The following LPP variants were observed in gnomAD, a reference collection of about 807,000 sequenced individuals.
The protein encoded by LPP is lipoma-preferred partner.
In LPP, 38 loss-of-function variants were observed where a neutral mutation model predicts 60.4. The observed-to-expected ratio is 0.63, with a 90% confidence interval of 0.49 to 0.83. The LOEUF is 0.83. LPP is among the 40% of genes least tolerant of loss of function. The pLI is 0.00. For missense variants in LPP, 902 were observed against 783.6 expected, an observed-to-expected ratio of 1.15 and a Z score of -1.80; for synonymous variants, 328 against 290.8, an observed-to-expected ratio of 1.13 and a Z score of -1.30.
intron 1 of LPP, among the ~76,000 whole-genome samples, chr3:188,175,718 T>C (rs1305203618): frequency 6.6e-6 from 1 of 152,226 alleles, no homozygotes; most frequent in Non-Finnish European, 1.5e-5. Flanking sequence ...AGAAAGGTCC[T>C]ATTTTTCAGA....
intron 6 of LPP, among the ~76,000 whole-genome samples, chr3:188,554,950 T>C (rs555706592): frequency 6.6e-6 from 1 of 152,196 alleles, no homozygotes; most frequent in East Asian, 1.9e-4. Context: ...TTAGGTTCTA[T>C]AGAGAAAAAT....
rs1222164549 is a variant in LPP at position 188,866,280 on chromosome 3, T to C, written c.1491T>C (p.Pro497=). Residue 497 remains proline, a synonymous_variant, in exon 10 of 12, where the codon CCT becomes CCC. Transcript: ENST00000617246. ...ILRATGKAYH[P]HCFTCVMCHR... is the part of the protein sequence containing the mutation. ...GAGCCACCGGGAAGGCCTATCATCC[T>C]CACTGTTTCACCTGCGTGATGTGCC... 1 of 1,593,166 alleles carries C rather than the reference T, an allele frequency of 6.3e-7. No homozygotes were observed.
chr3:188,544,081 T>G (rs1434325626), intron 6 of LPP, among the ~76,000 whole-genome samples: 1 of 152,148 alleles, frequency 6.6e-6, no homozygotes, highest in South Asian at 2.1e-4. Flanking sequence ...TACCTGAATG[T>G]GGTTTAGGAG....
intron 7 of LPP, among the ~76,000 whole-genome samples, chr3:188,678,320 T>A (rs1442950633): frequency 6.6e-6 from 1 of 152,232 alleles, no homozygotes; most frequent in Non-Finnish European, 1.5e-5. Flanking sequence ...AATGTAGCTT[T>A]ATACAGCTCA....
At chr3:188,618,218 T>A (rs901046578) in intron 7 of LPP, among the ~76,000 whole-genome samples, 3 of 152,232 alleles carry the variant, frequency 2.0e-5, no homozygotes, top group African/African-American at 7.2e-5. Flanking sequence ...AGAAGTACTC[T>A]TAACAAATGA....
Position 188,511,173 on chromosome 3 carries a change from T to TCCTTCC in LPP, c.307-13492_307-13491insCCTTCC, listed in dbSNP as rs1197270195. On this transcript the variant is annotated intron_variant, in intron 5 of 11. Transcript: ENST00000617246. ...CCTGCCTCCCTCCCTCCCTCCTTCCTTTCTACCTGACTCTCTCCCTCCCTC... is the reference window on the plus strand; with the variant it reads ...CCTGCCTCCCTCCCTCCCTCCTTCCTCCTTCCTTCTACCTGACTCTCTCCCTCCCTC... Among the ~76,000 whole-genome samples the TCCTTCC allele has an allele frequency of 4.1e-5, 5 of 122,986 alleles. No individual in the cohort carries two copies. The East Asian group carries it at 1.2e-3, about 29-fold the overall frequency. 80.7% of individuals were successfully genotyped at this position (122,986 alleles called of 152,430 possible).
At chr3:188,545,591 A>C (rs1826419553) in intron 6 of LPP, among the ~76,000 whole-genome samples, 1 of 152,092 alleles carries the variant, frequency 6.6e-6, no homozygotes, top group Admixed American at 6.6e-5. Context: ...CAGAGGATTC[A>C]CTTTCAAGAT....
intron 4 of LPP, among the ~76,000 whole-genome samples, chr3:188,464,979 GAA>G (rs35304055): frequency 0.016 from 1,671 of 102,968 alleles, 38 homozygotes; most frequent in African/African-American, 0.055. Flanking sequence ...GCTTACTATG[GAA>G]AAAAAAAAAA....
At chr3:188,364,828 C>T (rs1251807271) in intron 3 of LPP, among the ~76,000 whole-genome samples, 3 of 152,186 alleles carry the variant, frequency 2.0e-5, no homozygotes, top group Non-Finnish European at 4.4e-5. Context: ...TAAGTTCCAG[C>T]ACCAGTAGAT....
intron 8 of LPP, among the ~76,000 whole-genome samples, chr3:188,755,355 C>G (rs1444516071): frequency 6.6e-6 from 1 of 152,168 alleles, no homozygotes; most frequent in African/African-American, 2.4e-5. Context: ...CTGTGGACAG[C>G]TTTGGTCCTG....
chr3:188,567,492 AG>A (rs1456192385), intron 6 of LPP, among the ~76,000 whole-genome samples: 1 of 151,874 alleles, frequency 6.6e-6, no homozygotes, highest in Non-Finnish European at 1.5e-5. Flanking sequence ...GTAGGTTAGT[AG>A]GGAAAAAAAA....
At chr3:188,374,394 T>A (rs1042316499) in intron 3 of LPP, among the ~76,000 whole-genome samples, 15 of 152,066 alleles carry the variant, frequency 9.9e-5, no homozygotes, top group African/African-American at 3.6e-4. Flanking sequence ...TGAGCAGTGG[T>A]TTGTAGTTCT....
intron 9 of LPP, among the ~76,000 whole-genome samples, chr3:188,845,703 ACTGACG>A (rs1291386528): frequency 1.3e-5 from 2 of 152,180 alleles, no homozygotes; most frequent in African/African-American, 4.8e-5. Context: ...AACTCAGAGC[ACTGACG>A]TGGGAATTGG....
intron 6 of LPP, among the ~76,000 whole-genome samples, chr3:188,533,711 C>T (rs1822817038): frequency 6.6e-6 from 1 of 152,074 alleles, no homozygotes; most frequent in Admixed American, 6.5e-5. Flanking sequence ...TCACAATGCC[C>T]ATGTTTTACT....
chr3:188,747,813 A>T (rs1261091737), intron 8 of LPP, among the ~76,000 whole-genome samples: 1 of 152,212 alleles, frequency 6.6e-6, no homozygotes, highest in Admixed American at 6.5e-5. Context: ...ATGGAATCAG[A>T]TGCAGACTAC....
chr3:188,235,010 C>G (rs1721381592), intron 2 of LPP, among the ~76,000 whole-genome samples: 1 of 152,156 alleles, frequency 6.6e-6, no homozygotes, highest in South Asian at 2.1e-4. Flanking sequence ...GCTCAGCAAC[C>G]AGGTGATTGA....
intron 9 of LPP, among the ~76,000 whole-genome samples, chr3:188,849,132 G>A (rs1162261618): frequency 1.3e-5 from 2 of 152,208 alleles, no homozygotes; most frequent in Non-Finnish European, 2.9e-5. Context: ...CCTCTGCCAT[G>A]CCTAGCATGC....
chr3:188,465,744 T>C (rs186040424), intron 4 of LPP, among the ~76,000 whole-genome samples: 19 of 152,336 alleles, frequency 1.2e-4, no homozygotes, highest in Middle Eastern at 3.4e-3. Flanking sequence ...GTGTAGCTCC[T>C]GTGACTGGAT....
chr3:188,686,793 A>G (rs940846635), intron 7 of LPP, among the ~76,000 whole-genome samples: 1 of 152,228 alleles, frequency 6.6e-6, no homozygotes, highest in African/African-American at 2.4e-5. Context: ...CAAGCACTCA[A>G]CAAGTGTGCA....
Sources: gnomAD v4.1 joint callset for allele counts (sites outside exome capture counted in the v4.1 genomes callset) on GRCh38, gnomAD v4.1.1 for gene constraint, MANE v1.5 for transcripts, NCBI Gene and HGNC (gene_info 2026-07-23, HGNC 2026-07-21) for gene names.